C16orf96: variants seen among roughly 807,000 people sequenced by gnomAD.
C16orf96 encodes the protein uncharacterized protein C16orf96.
A neutral mutation model predicts 103.6 loss-of-function variants in C16orf96; 108 were observed. The observed-to-expected ratio is 1.04, with a 90% CI of 0.89 to 1.22. The LOEUF is 1.22. C16orf96 is among the 50% of genes most tolerant of loss of function. The probability of loss-of-function intolerance (pLI) is 0.00; values close to 1 mark genes in which losing one functional copy is unlikely to be tolerated. For missense variants in C16orf96, 1,586 were observed against 1,464.2 expected (o/e 1.08, Z -1.36); for synonymous variants, 566 against 593.5 (o/e 0.95, Z 0.67).
Position 4,575,587 on chromosome 16 carries a change from G to T in C16orf96, c.1107G>T (p.Val369=). The change falls in exon 5 of 16, where the codon GTG becomes GTT. Residue 369 remains valine (V), a synonymous_variant. Transcript: ENST00000444310. ...GGTCCTTGCCAGCACCTTGGCCTGT[G>T]CTTGGACCTGTGCCTGCCCCAGGTG... ...TPGSLPAPWP[V]LGPVPAPGAQ... is the part of the protein sequence containing the mutation. The T allele has an allele frequency of 1.3e-6, 2 of 1,519,384 alleles. No individual in the cohort carries two copies. Among genetic ancestry groups the T allele is most frequent in the East Asian group, 2.5e-5 (1 of 40,680 alleles). The allele number at this position is 1,519,384 out of a possible 1,614,324, so 94.1% of individuals were successfully genotyped here.
At position 4,574,983 on chromosome 16, in the gene C16orf96, G is replaced by C. The variant is rs1288385269; in HGVS notation, c.618G>C (p.Gln206His). 5 of 1,551,360 alleles carry C rather than the reference G, an allele frequency of 3.2e-6. No individual in the cohort carries two copies. The highest frequency in any genetic ancestry group is 2.7e-5 in the African/African-American group (2 of 73,056). ...VALQREVASL[Q>H]NKFKTIPKTE... is the part of the protein sequence containing the mutation. ...CCCCCACCTTGCAGGCTTCTCTCCA[G>C]AATAAGTTTAAAACCATCCCCAAAA... is the stretch of plus-strand genomic sequence containing the variant. The change falls in exon 4 of 16, where the codon CAG becomes CAC. Residue 206 changes from glutamine to histidine, a missense_variant. Transcript: ENST00000444310.
chr16:4,555,772 C>T (rs1168774974), upstream of C16orf96, among the ~76,000 whole-genome samples: 1 of 150,796 alleles, frequency 6.6e-6, no homozygotes, highest in East Asian at 1.9e-4. Flanking sequence ...TCATAGCTCA[C>T]TGTAGCCTCA....
Position 4,575,432 on chromosome 16 carries a change from C to A in C16orf96, c.952C>A (p.Pro318Thr). ...TCCGGCCCTCACGCCTGAGTCTGCA[C>A]CTGGGTGCACAACTGAATTTGCACC... ...QPPALTPESA[P>T]GCTTEFAPGP... is the part of the protein sequence containing the mutation. Residue 318 changes from proline to threonine, a missense_variant, in exon 5 of 16, where the codon CCT becomes ACT. By Grantham distance (38) the Pro-to-Thr change is conservative (BLOSUM62 -1). Coordinates refer to ENST00000444310, the MANE Select transcript of C16orf96 (RefSeq NM_001145011.2). The A allele has an allele frequency of 6.5e-7, 1 of 1,549,618 alleles. No homozygotes were observed. The highest frequency in any genetic ancestry group is 8.7e-7 in the Non-Finnish European group (1 of 1,146,938).
At chr16:4,555,321 G>C (rs963265072), upstream of C16orf96, among the ~76,000 whole-genome samples, 1 of 85,130 alleles carries the variant, frequency 1.2e-5, no homozygotes, top group African/African-American at 2.6e-5. Flanking sequence ...CGAGAAAATG[G>C]AACACTGTGG....
At chr16:4,577,416 G>A (rs2059525513) in intron 5 of C16orf96, among the ~76,000 whole-genome samples, 1 of 151,992 alleles carries the variant, frequency 6.6e-6, no homozygotes, top group Non-Finnish European at 1.5e-5. Flanking sequence ...TATAATCCTA[G>A]CACTTTGGGA....
upstream of C16orf96, among the ~76,000 whole-genome samples, chr16:4,553,280 C>T (rs2059238639): frequency 6.6e-6 from 1 of 152,216 alleles, no homozygotes; most frequent in African/African-American, 2.4e-5. Context: ...GAAAATATCC[C>T]ACTGTTCAAT....
rs761517536 is a variant in C16orf96 at position 4,594,347 on chromosome 16, G to A, written c.2868-4G>A. On this transcript the variant is annotated splice_region_variant and splice_polypyrimidine_tract_variant and intron_variant, in intron 12 of 15. Transcript: ENST00000444310. Reference sequence around the variant, plus strand: ...GTCGCTGCTGACCCACTGCCCTGCTGCAGGGAACAGCAGTGGCTGCAGCTC... The same window carrying A: ...GTCGCTGCTGACCCACTGCCCTGCTACAGGGAACAGCAGTGGCTGCAGCTC... The A allele has an allele frequency of 1.3e-6, 2 of 1,550,726 alleles. No individual in the cohort carries two copies. The highest frequency in any genetic ancestry group is 2.4e-5 in the South Asian group (2 of 84,050).
chr16:4,544,297 G>A, the C16orf96 span, among the ~76,000 whole-genome samples: 2 of 152,084 alleles, frequency 1.3e-5, no homozygotes, highest in Non-Finnish European at 2.9e-5. Context: ...CCACTTCACG[G>A]CCCTCTCCAA....
At chr16:4,579,063 G>C in intron 6 of C16orf96, 38 bp downstream of exon 6, 1 of 1,526,446 alleles carries the variant, frequency 6.6e-7, no homozygotes, top group Non-Finnish European at 8.9e-7. Flanking sequence ...AGGCAGTGAT[G>C]GCTTGAGGTG....
Position 4,576,308 on chromosome 16 carries a change from GAC to G in C16orf96, c.1831_1832del (p.Thr611GlyfsTer30). 1 of 1,550,796 alleles carries G rather than the reference GAC, an allele frequency of 6.4e-7. No homozygotes were observed. Among genetic ancestry groups the G allele is most frequent in the Non-Finnish European group, 8.7e-7 (1 of 1,147,012 alleles). On this transcript the variant is annotated frameshift_variant, in exon 5 of 16. Coordinates refer to ENST00000444310, the MANE Select transcript of C16orf96 (RefSeq NM_001145011.2). LOFTEE classifies it high-confidence loss of function. ...PATKMAAIAT[D>X]TAAAGPLGVF... ...CACCAAAATGGCCGCCATTGCAACAGACACGGCTGCAGCTGGGCCCCTAGGGG... is the reference window on the plus strand; with the variant it reads ...CACCAAAATGGCCGCCATTGCAACAGACGGCTGCAGCTGGGCCCCTAGGGG...
At chr16:4,574,856 G>A in intron 3 of C16orf96, 67 bp downstream of exon 3, 1 of 1,530,042 alleles carries the variant, frequency 6.5e-7, no homozygotes, top group Non-Finnish European at 8.9e-7. Context: ...GGTCCTGGGT[G>A]CTGAGGGTAG....
At chr16:4,588,118 C>T in intron 8 of C16orf96, 49 bp from the exon 9 acceptor site, 1 of 1,529,624 alleles carries the variant, frequency 6.5e-7, no homozygotes, top group Non-Finnish European at 8.8e-7. Context: ...CCAGCTTTGC[C>T]TTCCTCCATC....
rs535440946 is a variant in C16orf96 at position 4,573,535 on chromosome 16, A to G, written c.526-1174A>G. ...TGGGAGGCTGAGGTGGGCAGATCAC[A>G]AGGTCAGGAGATCGAGACCATCCTC... is the stretch of plus-strand genomic sequence containing the variant. On this transcript the variant is annotated intron_variant, in intron 2 of 15. Coordinates refer to ENST00000444310, the MANE Select transcript of C16orf96 (RefSeq NM_001145011.2). Among the ~76,000 whole-genome samples, 7 of 151,118 alleles carry G rather than the reference A, an allele frequency of 4.6e-5. No homozygotes were observed. The East Asian group carries it at 1.2e-3, about 26-fold the overall frequency.
chr16:4,578,853 A>C, intron 5 of C16orf96, 87 bp from the exon 6 acceptor site: 1 of 953,080 alleles, frequency 1.0e-6, no homozygotes, highest in South Asian at 1.5e-5. Context: ...GCTGCCTGAG[A>C]TGCTCCATAA....
intron 15 of C16orf96, among the ~76,000 whole-genome samples, chr16:4,599,572 C>T (rs1234713193): frequency 6.6e-6 from 1 of 152,222 alleles, no homozygotes; most frequent in African/African-American, 2.4e-5. Flanking sequence ...CTGTCCCCAG[C>T]GTCCACCCAG....
the C16orf96 span, among the ~76,000 whole-genome samples, chr16:4,539,851 G>A: frequency 6.6e-6 from 1 of 151,998 alleles, no homozygotes; most frequent in Non-Finnish European, 1.5e-5. Context: ...ACCAGCCAAG[G>A]CCACCTAGAG....
chr16:4,554,414 G>A (rs1016856968), upstream of C16orf96, among the ~76,000 whole-genome samples: 1 of 150,046 alleles, frequency 6.7e-6, no homozygotes, highest in Non-Finnish European at 1.5e-5. Context: ...GCAGTGGTGC[G>A]GTCTCGGTTC....
chr16:4,600,049 TC>T, intron 15 of C16orf96, 50 bp from the exon 16 acceptor site: 1 of 1,499,022 alleles, frequency 6.7e-7, no homozygotes, highest in South Asian at 1.2e-5. Flanking sequence ...GGCTAGTGTC[TC>T]CCAAGAAGGT....
chr16:4,542,536 C>A, the C16orf96 span, among the ~76,000 whole-genome samples: 1 of 152,170 alleles, frequency 6.6e-6, no homozygotes, highest in Non-Finnish European at 1.5e-5. Context: ...GTGGCTCATG[C>A]CTGTAATCCC....
Sources: allele counts gnomAD v4.1 joint callset (sites outside exome capture counted in the v4.1 genomes callset), GRCh38; gene constraint gnomAD v4.1.1; transcripts MANE v1.5; gene names NCBI Gene and HGNC (gene_info 2026-07-23, HGNC 2026-07-21).